Variants in SNTG1 observed in about 807,000 individuals in gnomAD.
SNTG1 encodes syntrophin gamma 1.
A neutral mutation model predicts 74.7 loss-of-function variants in SNTG1; 39 were observed. The ratio of observed to expected loss-of-function variants is 0.52; its 90% CI spans 0.40 to 0.68. The LOEUF is 0.68. Ranked by LOEUF, SNTG1 falls within the 30% of genes least tolerant of loss-of-function variation. The probability of loss-of-function intolerance (pLI) is 0.00; values close to 1 mark genes in which losing one functional copy is unlikely to be tolerated. For missense variants in SNTG1, 685 were observed against 609.5 expected (o/e 1.12, Z -1.30); for synonymous variants, 254 against 217.1 (o/e 1.17, Z -1.49).
intron 2 of SNTG1, among the ~76,000 whole-genome samples, chr8:50,366,251 C>G (rs1383097511): frequency 6.6e-6 from 1 of 152,182 alleles, no homozygotes; most frequent in African/African-American, 2.4e-5. Flanking sequence ...TCAATGCTTG[C>G]AGATGACTAA....
intron 15 of SNTG1, among the ~76,000 whole-genome samples, chr8:50,691,347 T>C (rs1469589155): frequency 1.3e-5 from 2 of 152,208 alleles, no homozygotes; most frequent in Non-Finnish European, 2.9e-5. Flanking sequence ...CTAGCCTTGA[T>C]GGTCTTTACA....
intron 4 of SNTG1, among the ~76,000 whole-genome samples, chr8:50,408,208 C>T (rs2131380247): frequency 6.6e-6 from 1 of 152,236 alleles, no homozygotes; most frequent in East Asian, 1.9e-4. Flanking sequence ...GTTTCAGTCC[C>T]CAGTATGGAA....
chr8:50,671,093 G>A lies in SNTG1; in HGVS notation c.1038+12430G>A, dbSNP rs200197442. On this transcript the variant is annotated intron_variant, in intron 15 of 18. Transcript: ENST00000642720. ...TAGACCTAAAACCATAAAAACCCTA[G>A]AAGAAAACCTAGGCATTACCATTCA... is the stretch of plus-strand genomic sequence containing the variant. Among the ~76,000 whole-genome samples the A allele has an allele frequency of 1.9e-4, 29 of 151,780 alleles. No individual in the cohort carries two copies. In the East Asian group the frequency reaches 5.4e-3, roughly 28 times the overall value.
At chr8:50,297,497 T>A (rs2089440531) in intron 2 of SNTG1, among the ~76,000 whole-genome samples, 1 of 152,224 alleles carries the variant, frequency 6.6e-6, no homozygotes, top group Non-Finnish European at 1.5e-5. Context: ...CTTTGGCATA[T>A]CTGGCCTCTC....
At chr8:50,576,363 GT>G (rs1191218492) in intron 12 of SNTG1, among the ~76,000 whole-genome samples, 1 of 152,122 alleles carries the variant, frequency 6.6e-6, no homozygotes, top group Non-Finnish European at 1.5e-5. Context: ...ATAGCACATA[GT>G]TTACTGTAGT....
intron 1 of SNTG1, among the ~76,000 whole-genome samples, chr8:50,097,584 G>A (rs112572466): frequency 5.3e-5 from 8 of 151,900 alleles, no homozygotes; most frequent in African/African-American, 1.5e-4. Context: ...CCCGGAAGGC[G>A]GAGCTTGCAG....
At chr8:49,919,226 A>G (rs1193865603) in intron 1 of SNTG1, among the ~76,000 whole-genome samples, 1 of 152,120 alleles carries the variant, frequency 6.6e-6, no homozygotes, top group East Asian at 1.9e-4. Flanking sequence ...CAATAGTTCC[A>G]GTAGATGTAC....
chr8:50,448,546 GCTT>G (rs1441121219), intron 5 of SNTG1, among the ~76,000 whole-genome samples: 1 of 152,056 alleles, frequency 6.6e-6, no homozygotes, highest in African/African-American at 2.4e-5. Context: ...CAAGTTCTAT[GCTT>G]CTTTTTATAT....
chr8:50,558,416 C>T (rs1563574172), intron 12 of SNTG1, among the ~76,000 whole-genome samples: 1 of 152,128 alleles, frequency 6.6e-6, no homozygotes, highest in Non-Finnish European at 1.5e-5. Context: ...TTTGTCTTGA[C>T]CTCAAGTCCA....
At chr8:50,479,883 C>T (rs991755541) in intron 8 of SNTG1, among the ~76,000 whole-genome samples, 1 of 152,114 alleles carries the variant, frequency 6.6e-6, no homozygotes, top group African/African-American at 2.4e-5. Context: ...GTCAATATTT[C>T]AAGTTTTCCT....
chr8:50,004,448 A>C (rs1815025353), intron 1 of SNTG1, among the ~76,000 whole-genome samples: 1 of 152,096 alleles, frequency 6.6e-6, no homozygotes, highest in African/African-American at 2.4e-5. Flanking sequence ...TATTTTCCAG[A>C]ATCTAGAGGA....
intron 2 of SNTG1, among the ~76,000 whole-genome samples, chr8:50,288,993 A>C (rs866296858): frequency 5.3e-5 from 8 of 152,168 alleles, no homozygotes; most frequent in South Asian, 2.1e-4. Context: ...TATTAGTTCC[A>C]TTTAGTTCCA....
At chr8:50,110,317 G>C (rs779979439) in intron 1 of SNTG1, among the ~76,000 whole-genome samples, 23 of 152,066 alleles carry the variant, frequency 1.5e-4, no homozygotes, top group Non-Finnish European at 8.8e-5. Flanking sequence ...AGATTTTCCA[G>C]CCCTCCCTTT....
chr8:50,209,705 C>A (rs376686219), intron 2 of SNTG1, among the ~76,000 whole-genome samples: 15 of 152,138 alleles, frequency 9.9e-5, no homozygotes, highest in African/African-American at 3.6e-4. Context: ...ACATCCACAC[C>A]AAAACCCCAT....
At chr8:49,923,746 C>G (rs895243775) in intron 1 of SNTG1, among the ~76,000 whole-genome samples, 1 of 151,958 alleles carries the variant, frequency 6.6e-6, no homozygotes, top group Non-Finnish European at 1.5e-5. Context: ...CTTAGCATAT[C>G]TTTTTGTAAA....
At chr8:49,917,023 A>T (rs147076629) in intron 1 of SNTG1, among the ~76,000 whole-genome samples, 32 of 127,146 alleles carry the variant, frequency 2.5e-4, no homozygotes, top group Admixed American at 9.0e-4. Context: ...TCTCAAAAAA[A>T]TATATATATT....
chr8:50,104,099 C>T (rs1466240104), intron 1 of SNTG1, among the ~76,000 whole-genome samples: 3 of 151,958 alleles, frequency 2.0e-5, no homozygotes, highest in East Asian at 1.9e-4. Flanking sequence ...GAGGAGTCCC[C>T]CTTTTTCTAT....
chr8:50,326,647 G>T (rs766963039), intron 2 of SNTG1, among the ~76,000 whole-genome samples: 2 of 150,096 alleles, frequency 1.3e-5, no homozygotes, highest in African/African-American at 2.5e-5. Flanking sequence ...CCAAGAATCA[G>T]CTCTTTAAAA....
At chr8:50,524,625 A>C (rs1277503679) in intron 9 of SNTG1, among the ~76,000 whole-genome samples, 1 of 152,106 alleles carries the variant, frequency 6.6e-6, no homozygotes, top group Non-Finnish European at 1.5e-5. Context: ...CAAAATTGTT[A>C]ATTAAAATAT....
Sources: allele counts gnomAD v4.1 joint callset (sites outside exome capture counted in the v4.1 genomes callset), GRCh38; gene constraint gnomAD v4.1.1; transcripts MANE v1.5; gene names NCBI Gene and HGNC (gene_info 2026-07-23, HGNC 2026-07-21).